Variants in RABEP2 observed in about 807,000 individuals in gnomAD.
RABEP2 encodes the protein rab GTPase-binding effector protein 2.
Under a neutral mutation model 74.1 loss-of-function variants are expected in RABEP2, and 57 were observed. The observed-to-expected ratio is 0.77, with a 90% CI of 0.62 to 0.96. The LOEUF (loss-of-function observed/expected upper bound fraction) is 0.96. Among genes scored for constraint, RABEP2 ranks in the 40% least tolerant of loss-of-function variants. The pLI is 0.00. For missense variants in RABEP2, 692 were observed against 756.3 expected (o/e 0.91, Z 1.00); for synonymous variants, 351 against 344.0 (o/e 1.02, Z -0.23).
At chr16:28,908,427 C>T (rs927450177) in intron 8 of RABEP2, among the ~76,000 whole-genome samples, 182 bp downstream of exon 8, 2 of 152,210 alleles carry the variant, frequency 1.3e-5, no homozygotes, top group Admixed American at 6.5e-5. Flanking sequence ...CTTTTGATGC[C>T]AATGCTGGAA....
rs1248027457 is a variant in RABEP2 at position 28,924,444 on chromosome 16, T to G, written c.233A>C (p.Gln78Pro). The change falls in exon 2 of 13, where the codon CAG becomes CCG. Residue 78 changes from glutamine (Q) to proline (P), a missense_variant. Physicochemically the swap from Gln to Pro is moderately conservative, Grantham distance 76. Coordinates refer to ENST00000358201, the MANE Select transcript of RABEP2 (RefSeq NM_024816.3). Reference protein sequence around the residue: ...KAEAVAAVQRQCQEEVASLQA... With the variant: ...KAEAVAAVQRPCQEEVASLQA... ...CAGCGAGGCCACCTCCTCTTGGCAC[T>G]GCCGCTGCACCGCAGCCACAGCCTC... 6.2e-7 allele frequency: 1 copy of G among 1,613,744 alleles called. No homozygotes were observed. The highest frequency in any genetic ancestry group is 2.2e-5 in the East Asian group (1 of 44,870).
Position 28,924,307 on chromosome 16 carries a change from C to G in RABEP2, c.274+96G>C, listed in dbSNP as rs188780743. The G allele has an allele frequency of 3.9e-6, 5 of 1,270,830 alleles. No individual in the cohort carries two copies. In the East Asian group the frequency reaches 1.2e-4, roughly 30 times the overall value. The allele number at this position is 1,270,830 out of a possible 1,614,324, so 78.7% of individuals were successfully genotyped here. A position where few individuals can be genotyped will look rare whatever the true frequency, so the allele number is the denominator to read the frequency against. On this transcript the variant is annotated intron_variant, in intron 2 of 12. Transcript: ENST00000358201. ...GCCCTGTGCCAGGCAGCCCTGCTAA[C>G]CTATCCCATAGCTTATCTGTGCCCC...
chr16:28,914,825 G>A (rs373748819), intron 3 of RABEP2, 43 bp from the exon 4 acceptor site: 23 of 1,568,148 alleles, frequency 1.5e-5, no homozygotes, highest in Non-Finnish European at 2.0e-5. Context: ...CCCCTCCAAA[G>A]TGCTGAAGCC....
intron 8 of RABEP2, 147 bp from the exon 9 acceptor site, chr16:28,906,343 CCAT>C (rs1964231314): frequency 4.5e-6 from 5 of 1,118,946 alleles, no homozygotes; most frequent in Non-Finnish European, 6.2e-6. Context: ...CCCAAAATGC[CCAT>C]CATCTGGGAG....
chr16:28,916,752 A>G (rs543907080), intron 3 of RABEP2, among the ~76,000 whole-genome samples: 86 of 151,800 alleles, frequency 5.7e-4, no homozygotes, highest in Non-Finnish European at 9.0e-4. Flanking sequence ...TTGGGAGGCC[A>G]AGGTGGGCCG....
chr16:28,924,848 C>G, intron 1 of RABEP2: 5 of 730,024 alleles, frequency 6.8e-6, no homozygotes, highest in Admixed American at 2.0e-5. Context: ...CTCTTCGGTC[C>G]CACCTGGCCC....
At chr16:28,905,635 G>A in intron 11 of RABEP2, 69 bp downstream of exon 11, 1 of 1,561,656 alleles carries the variant, frequency 6.4e-7, no homozygotes, top group Non-Finnish European at 8.7e-7. Context: ...CAGAGGGCGG[G>A]AGGGGTGGGG....
At chr16:28,908,901 G>C (rs1437149228) in intron 7 of RABEP2, 137 bp from the exon 8 acceptor site, 1 of 938,072 alleles carries the variant, frequency 1.1e-6, no homozygotes, top group East Asian at 2.6e-5. Context: ...AGCAAGGAAG[G>C]AGCACTTTTT....
rs766263838 is a variant in RABEP2, at chr16:28,906,011, C to T, written c.1423+8G>A. 1.2e-6 allele frequency: 2 copies of T among 1,607,954 alleles called. No individual in the cohort carries two copies. Among genetic ancestry groups the T allele is most frequent in the Non-Finnish European group, 8.5e-7 (1 of 1,177,720 alleles). ...CCCGGGGCTGGGGGCTTGTGCCCCT[C>T]CCCTCACCTGTCTCCTCCCGCTGCA... On this transcript the variant is annotated splice_region_variant and intron_variant, in intron 9 of 12. Coordinates refer to ENST00000358201, the MANE Select transcript of RABEP2 (RefSeq NM_024816.3).
In RABEP2 at chr16:28,904,598, G is replaced by A. The variant is rs1280939168; in HGVS notation, c.*345C>T. On this transcript the variant is annotated 3_prime_UTR_variant, in exon 13 of 13. Coordinates refer to ENST00000358201, the MANE Select transcript of RABEP2 (RefSeq NM_024816.3). Reference sequence around the variant, plus strand: ...TCACTGCCTCTGATGGGGACTCCCAGCCCCCATGGCTCCGCTGTGCCCTGG... The same window carrying A: ...TCACTGCCTCTGATGGGGACTCCCAACCCCCATGGCTCCGCTGTGCCCTGG... 8.4e-7 allele frequency: 1 copy of A among 1,193,142 alleles called. No individual in the cohort carries two copies. The highest frequency in any genetic ancestry group is 1.1e-6 in the Non-Finnish European group (1 of 890,342). 73.9% of individuals were successfully genotyped at this position (1,193,142 alleles called of 1,614,324 possible).
chr16:28,921,639 G>C (rs968127525), intron 2 of RABEP2, among the ~76,000 whole-genome samples: 1 of 140,102 alleles, frequency 7.1e-6, no homozygotes, highest in African/African-American at 2.7e-5. Flanking sequence ...ATGTTGGATA[G>C]AACATAGATT....
In RABEP2 at chr16:28,905,467, C is replaced by G. The variant is rs369691572; in HGVS notation, c.1538G>C (p.Arg513Pro). The change falls in exon 12 of 13, where the codon CGG (arginine) becomes CCG (proline). Residue 513 changes from arginine (R) to proline (P), a missense_variant. Transcript: ENST00000358201. The part of the protein sequence containing the change: ...LLSEQRAKVL[R>P]LQAELETSEQ... Reference sequence around the variant, plus strand: ...ACTGGTCTCCAGCTCTGCCTGCAGCCGCAGCACCTTGGCCCTCTGTTCTGA... The same window carrying G: ...ACTGGTCTCCAGCTCTGCCTGCAGCGGCAGCACCTTGGCCCTCTGTTCTGA... 17 of 1,609,456 alleles carry G rather than the reference C, an allele frequency of 1.1e-5. No homozygotes were observed. In the South Asian group the frequency reaches 1.6e-4, roughly 15 times the overall value.
chr16:28,920,585 C>T (rs1458281891), intron 2 of RABEP2, among the ~76,000 whole-genome samples: 3 of 152,030 alleles, frequency 2.0e-5, no homozygotes, highest in African/African-American at 4.8e-5. Flanking sequence ...GGGGTTTTGC[C>T]ATGCTGGCCA....
At chr16:28,907,299 G>A (rs1964249943) in intron 8 of RABEP2, among the ~76,000 whole-genome samples, 2 of 151,738 alleles carry the variant, frequency 1.3e-5, no homozygotes, top group African/African-American at 4.8e-5. Context: ...TGGGACTGCA[G>A]GTGGAGGCCA....
intron 2 of RABEP2, among the ~76,000 whole-genome samples, chr16:28,922,414 A>G (rs757224722): frequency 6.6e-5 from 10 of 151,126 alleles, no homozygotes; most frequent in Non-Finnish European, 1.3e-4. Flanking sequence ...GTGAAACCCC[A>G]TCTCTACTAA....
At chr16:28,914,886 C>G (rs943053678) in intron 3 of RABEP2, 104 bp from the exon 4 acceptor site, 10 of 931,128 alleles carry the variant, frequency 1.1e-5, no homozygotes, top group Middle Eastern at 2.2e-4. Context: ...TCCTAATCCT[C>G]CCTAGAAGGT....
At chr16:28,908,277 T>C (rs1964263596) in intron 8 of RABEP2, among the ~76,000 whole-genome samples, 1 of 152,130 alleles carries the variant, frequency 6.6e-6, no homozygotes, top group Non-Finnish European at 1.5e-5. Flanking sequence ...TGACAAAGGC[T>C]AGGCATAGAT....
chr16:28,915,142 C>T (rs1964372936), intron 3 of RABEP2, among the ~76,000 whole-genome samples: 1 of 148,260 alleles, frequency 6.7e-6, no homozygotes, highest in South Asian at 2.2e-4. Context: ...CTCGCTGCTA[C>T]CTCCGCCTCC....
chr16:28,920,984 G>A (rs1176165688), intron 2 of RABEP2: 4 of 339,344 alleles, frequency 1.2e-5, no homozygotes, highest in African/African-American at 8.7e-5. Flanking sequence ...CCACCTCAGT[G>A]CCCCGAGTAG....
Sources: allele counts gnomAD v4.1 joint callset (sites outside exome capture counted in the v4.1 genomes callset), GRCh38; gene constraint gnomAD v4.1.1; transcripts MANE v1.5; gene names NCBI Gene and HGNC (gene_info 2026-07-23, HGNC 2026-07-21).